Variants in CFAP92 observed in about 807,000 individuals in gnomAD.
CFAP92 encodes the protein uncharacterized protein CFAP92.
Under a neutral mutation model 106.3 loss-of-function variants are expected in CFAP92, and 86 were observed. That is an observed-to-expected ratio of 0.81 (90% confidence interval 0.68 to 0.97). The LOEUF (loss-of-function observed/expected upper bound fraction) is 0.97, where lower values mean the gene tolerates loss of function less well. CFAP92 is among the 50% of genes least tolerant of loss of function. CFAP92 has a pLI of 0.00. For synonymous variants in CFAP92, 477 were observed against 506.4 expected (o/e 0.94, Z 0.78); for missense variants, 1,204 against 1,283.8 (o/e 0.94, Z 0.95).
upstream of CFAP92, chr3:129,003,831 TG>T: frequency 1.4e-6 from 2 of 1,464,406 alleles, no homozygotes; most frequent in South Asian, 1.3e-5. Context: ...ACCCACGAGA[TG>T]GGGCACGGCG....
chr3:128,992,992 T>C, intron 2 of CFAP92, 51 bp downstream of exon 2: 3 of 1,603,650 alleles, frequency 1.9e-6, no homozygotes, highest in Non-Finnish European at 2.6e-6. Flanking sequence ...CTGCAGAAAG[T>C]CATGCACCTC....
chr3:128,989,528 G>A (rs1213000009), intron 2 of CFAP92, among the ~76,000 whole-genome samples: 1 of 152,128 alleles, frequency 6.6e-6, no homozygotes, highest in Non-Finnish European at 1.5e-5. Context: ...GGGGTGGATA[G>A]GGTGACAGGA....
chr3:128,963,424 C>T (rs550522681), intron 9 of CFAP92, among the ~76,000 whole-genome samples: 63 of 152,272 alleles, frequency 4.1e-4, no homozygotes, highest in Admixed American at 2.2e-3. Flanking sequence ...CTACATTTCC[C>T]AAAATCTATT....
Position 128,915,404 on chromosome 3 carries a change from T to C in CFAP92, c.3076A>G (p.Ser1026Gly). The C allele has an allele frequency of 1.3e-6, 2 of 1,536,162 alleles. No individual in the cohort carries two copies. The highest frequency in any genetic ancestry group is 1.7e-6 in the Non-Finnish European group (2 of 1,146,918). Residue 1026 changes from serine to glycine, a missense_variant, in exon 14 of 16, where the codon AGC (serine) becomes GGC (glycine). Physicochemically the swap from Ser to Gly is moderately conservative, Grantham distance 56 (BLOSUM62 0). Transcript: ENST00000645291. ...QVTGLQSDTE[S>G]SFQDLKLPPI... ...GGCAGCTTGAGATCCTGAAAGCTGC[T>C]TTCGGTGTCGCTCTGAAGACCTGTC...
rs935095670 is a variant in CFAP92 at position 128,971,415 on chromosome 3, T to G, written c.1040A>C (p.Glu347Ala). 6.2e-7 allele frequency: 1 copy of G among 1,609,072 alleles called. No homozygotes were observed. Among genetic ancestry groups the G allele is most frequent in the Non-Finnish European group, 8.5e-7 (1 of 1,177,654 alleles). ...QRSQIKGKDS[E>A]GRRKIQRRHK... Reference sequence around the variant, plus strand: ...TCTCCTCTGGATTTTCCTTCTTCCCTCTGAATCTTTCCCTTTAACTGTGAA... The same window carrying G: ...TCTCCTCTGGATTTTCCTTCTTCCCGCTGAATCTTTCCCTTTAACTGTGAA... The change falls in exon 8 of 16, where the codon GAG becomes GCG. Residue 347 changes from glutamate to alanine, a missense_variant. By Grantham distance (107) the Glu-to-Ala change is moderately radical (BLOSUM62 -1). Coordinates refer to ENST00000645291, the MANE Select transcript of CFAP92 (RefSeq NM_001394090.1).
intron 12 of CFAP92, among the ~76,000 whole-genome samples, chr3:128,921,213 G>A (rs1279916939): frequency 6.6e-6 from 1 of 152,134 alleles, no homozygotes; most frequent in Non-Finnish European, 1.5e-5. Flanking sequence ...CGCCCAATAT[G>A]AGGCAACGAA....
upstream of CFAP92, among the ~76,000 whole-genome samples, chr3:129,006,699 G>C (rs1945089324): frequency 5.9e-5 from 9 of 152,202 alleles, no homozygotes; most frequent in Admixed American, 5.9e-4. Flanking sequence ...TGAGGAAATT[G>C]AGGACCAGAG....
At chr3:128,935,374 G>A (rs1041125455) in intron 10 of CFAP92, 55 bp from the exon 11 acceptor site, 9 of 1,232,660 alleles carry the variant, frequency 7.3e-6, no homozygotes, top group Non-Finnish European at 9.9e-6. Flanking sequence ...CTGGGACACC[G>A]TGGTGAGGGT....
the CFAP92 span, among the ~76,000 whole-genome samples, chr3:129,008,172 G>C: frequency 1.3e-5 from 2 of 152,226 alleles, no homozygotes; most frequent in African/African-American, 4.8e-5. Flanking sequence ...CAGGTAGTGA[G>C]AGATTGAGTC....
the CFAP92 span, among the ~76,000 whole-genome samples, chr3:129,020,312 C>A: frequency 7.9e-5 from 12 of 152,290 alleles, no homozygotes; most frequent in South Asian, 6.2e-4. Flanking sequence ...CTGACTTGCA[C>A]CCTATGAGCT....
intron 8 of CFAP92, among the ~76,000 whole-genome samples, chr3:128,966,198 C>T (rs1432543753): frequency 2.0e-5 from 3 of 152,216 alleles, no homozygotes; most frequent in African/African-American, 7.2e-5. Flanking sequence ...AATGCACTTC[C>T]TTCCCCACAC....
upstream of CFAP92, among the ~76,000 whole-genome samples, chr3:128,997,593 TA>T (rs1197191969): frequency 6.6e-6 from 1 of 152,246 alleles, no homozygotes; most frequent in African/African-American, 2.4e-5. Flanking sequence ...TTCTTTCACC[TA>T]CCGTTATGTT....
chr3:128,909,985 G>A lies in CFAP92; in HGVS notation c.*314C>T. 1.9e-6 allele frequency: 3 copies of A among 1,610,364 alleles called. No individual in the cohort carries two copies. The highest frequency in any genetic ancestry group is 2.5e-6 in the Non-Finnish European group (3 of 1,178,760). ...GGGACCATGTGGGGGACTGGTCTAGGTAGTGAGTCCCCACTTGGAGCCTCT... is the reference window on the plus strand; with the variant it reads ...GGGACCATGTGGGGGACTGGTCTAGATAGTGAGTCCCCACTTGGAGCCTCT... On this transcript the variant is annotated 3_prime_UTR_variant, in exon 16 of 16. Transcript: ENST00000645291.
At chr3:128,949,009 T>C (rs1485999943) in intron 9 of CFAP92, among the ~76,000 whole-genome samples, 2 of 152,186 alleles carry the variant, frequency 1.3e-5, no homozygotes, top group Non-Finnish European at 2.9e-5. Flanking sequence ...AAAACCATGA[T>C]ATGATAACAA....
chr3:128,979,592 T>C (rs1055874481), intron 4 of CFAP92, among the ~76,000 whole-genome samples: 2 of 152,254 alleles, frequency 1.3e-5, no homozygotes. Flanking sequence ...GTGGCACATA[T>C]ACACCATGGA....
intron 9 of CFAP92, among the ~76,000 whole-genome samples, chr3:128,963,997 C>T (rs1942167534): frequency 6.6e-6 from 1 of 152,138 alleles, no homozygotes; most frequent in African/African-American, 2.4e-5. Flanking sequence ...AAGGCCTTTC[C>T]TACAGGGTCT....
intron 4 of CFAP92, among the ~76,000 whole-genome samples, chr3:128,979,974 A>T (rs1218932309): frequency 2.0e-5 from 3 of 147,442 alleles, no homozygotes; most frequent in Non-Finnish European, 4.5e-5. Context: ...ATATATATAA[A>T]AGAAAAAAGA....
At chr3:128,911,412 G>A (rs1467854028) in intron 15 of CFAP92, among the ~76,000 whole-genome samples, 4 of 152,006 alleles carry the variant, frequency 2.6e-5, no homozygotes, top group Non-Finnish European at 5.9e-5. Context: ...AGGACCCCTG[G>A]CATCTGCCCA....
chr3:128,927,622 G>A (rs969215258), intron 12 of CFAP92, among the ~76,000 whole-genome samples: 2 of 151,732 alleles, frequency 1.3e-5, no homozygotes, highest in Admixed American at 6.6e-5. Context: ...TACTCAGGAA[G>A]CTGAGGCAGG....
Sources: allele counts gnomAD v4.1 joint callset (sites outside exome capture counted in the v4.1 genomes callset), GRCh38; gene constraint gnomAD v4.1.1; transcripts MANE v1.5; gene names NCBI Gene and HGNC (gene_info 2026-07-23, HGNC 2026-07-21).